The following ARHGAP31 variants were observed in gnomAD, a reference collection of about 807,000 sequenced individuals.
The protein encoded by ARHGAP31 is Rho GTPase activating protein 31, also known as rho GTPase-activating protein 31.
ARHGAP31 carries 34 observed loss-of-function variants against 113.9 expected under a neutral mutation model. The observed-to-expected ratio is 0.30, with a 90% CI of 0.23 to 0.40. The LOEUF is 0.40. Ranked by LOEUF, ARHGAP31 falls within the 10% of genes least tolerant of loss-of-function variation. The pLI is 1.00. For missense variants in ARHGAP31, 1,548 were observed against 1,767.1 expected (o/e 0.88, Z 2.22); for synonymous variants, 650 against 684.8 (o/e 0.95, Z 0.79).
At chr3:119,336,922 G>C (rs183188286) in intron 1 of ARHGAP31, among the ~76,000 whole-genome samples, 3 of 152,108 alleles carry the variant, frequency 2.0e-5, no homozygotes, top group Non-Finnish European at 4.4e-5. Context: ...CTGGCTTTTT[G>C]TTTCTGGCTT....
At chr3:119,349,771 A>G (rs2107616110) in intron 1 of ARHGAP31, among the ~76,000 whole-genome samples, 1 of 152,286 alleles carries the variant, frequency 6.6e-6, no homozygotes, top group African/African-American at 2.4e-5. Context: ...TGTAGTCCTG[A>G]GAATTTGCAG....
At chr3:119,334,724 G>A (rs2107608940) in intron 1 of ARHGAP31, among the ~76,000 whole-genome samples, 1 of 152,344 alleles carries the variant, frequency 6.6e-6, no homozygotes, top group South Asian at 2.1e-4. Context: ...ATTGGAGGCT[G>A]ACTCTGCACC....
intron 6 of ARHGAP31, among the ~76,000 whole-genome samples, chr3:119,390,266 A>G (rs1240640276): frequency 2.0e-5 from 3 of 152,258 alleles, no homozygotes; most frequent in Non-Finnish European, 4.4e-5. Context: ...TTCCTGTGGC[A>G]GGGATATAAG....
chr3:119,335,942 G>A (rs1048537473), intron 1 of ARHGAP31, among the ~76,000 whole-genome samples: 2 of 152,184 alleles, frequency 1.3e-5, no homozygotes, highest in Non-Finnish European at 2.9e-5. Flanking sequence ...GGAGGCCAAG[G>A]TGTGCGGATC....
chr3:119,308,120 G>A (rs917167607), intron 1 of ARHGAP31, among the ~76,000 whole-genome samples: 1 of 152,076 alleles, frequency 6.6e-6, no homozygotes, highest in African/African-American at 2.4e-5. Flanking sequence ...AAGGTGATCA[G>A]AAGAGTGAAG....
chr3:119,415,359 T>G lies in ARHGAP31; in HGVS notation c.3430T>G (p.Trp1144Gly), dbSNP rs550753172. ...TGAGCCAGGAGACCCAAAGGTCACA[T>G]GGATGACCTCATCTTACTGTAAAGC... ...VSEPGDPKVT[W>G]MTSSYCKADP... is the part of the protein sequence containing the mutation. The change falls in exon 12 of 12, where the codon TGG (tryptophan) becomes GGG (glycine). Residue 1144 changes from tryptophan (W) to glycine (G), a missense_variant. Trp to Gly is a radical substitution (Grantham distance 184). Transcript: ENST00000264245. 1.9e-5 allele frequency: 31 copies of G among 1,614,086 alleles called. No individual in the cohort carries two copies. In the South Asian group the frequency reaches 3.2e-4, roughly 17 times the overall value.
intron 1 of ARHGAP31, among the ~76,000 whole-genome samples, chr3:119,363,277 A>G (rs1163582736): frequency 6.6e-6 from 1 of 152,166 alleles, no homozygotes; most frequent in Non-Finnish European, 1.5e-5. Flanking sequence ...ATCTATTTGC[A>G]TGAGCATGGG....
intron 1 of ARHGAP31, among the ~76,000 whole-genome samples, chr3:119,299,933 C>T (rs1345028858): frequency 6.6e-6 from 1 of 152,244 alleles, no homozygotes; most frequent in African/African-American, 2.4e-5. Context: ...TAGCTGCTTC[C>T]TTTCCAGCAG....
chr3:119,367,801 G>A (rs988448037), intron 2 of ARHGAP31, among the ~76,000 whole-genome samples: 5 of 150,332 alleles, frequency 3.3e-5, no homozygotes, highest in African/African-American at 1.2e-4. Context: ...AGGTTGCAGT[G>A]AGCCAAGATT....
intron 1 of ARHGAP31, chr3:119,329,880 C>T (rs2079876233): frequency 1.0e-6 from 1 of 985,464 alleles, no homozygotes; most frequent in Non-Finnish European, 1.2e-6. Context: ...TGTGTGAGTC[C>T]TCACTGGTGC....
intron 1 of ARHGAP31, among the ~76,000 whole-genome samples, chr3:119,358,316 CTACT>C: frequency 6.6e-6 from 1 of 152,160 alleles, no homozygotes; most frequent in African/African-American, 2.4e-5. Context: ...CACTTCACAA[CTACT>C]AGGATGACAA....
chr3:119,382,452 C>T, intron 5 of ARHGAP31, 53 bp downstream of exon 5: 1 of 1,522,036 alleles, frequency 6.6e-7, no homozygotes, highest in Non-Finnish European at 9.1e-7. Flanking sequence ...AGAGCAGCCC[C>T]CGATTGAAAT....
At chr3:119,392,956 T>C (rs1249332334) in intron 7 of ARHGAP31, among the ~76,000 whole-genome samples, 1 of 152,116 alleles carries the variant, frequency 6.6e-6, no homozygotes, top group Non-Finnish European at 1.5e-5. Flanking sequence ...GTATAAAAAC[T>C]GGCCATGTGT....
intron 10 of ARHGAP31, among the ~76,000 whole-genome samples, chr3:119,404,149 G>A (rs1211010819): frequency 1.3e-5 from 2 of 152,162 alleles, no homozygotes; most frequent in Non-Finnish European, 2.9e-5. Context: ...GAGGGATAGG[G>A]GAGGGAGTGA....
At chr3:119,310,345 A>C (rs1369054510) in intron 1 of ARHGAP31, among the ~76,000 whole-genome samples, 4 of 152,152 alleles carry the variant, frequency 2.6e-5, no homozygotes, top group Admixed American at 6.5e-5. Flanking sequence ...GGAGATCCAG[A>C]CTCCAGAACA....
At chr3:119,349,938 G>T (rs1164509056) in intron 1 of ARHGAP31, among the ~76,000 whole-genome samples, 2 of 152,166 alleles carry the variant, frequency 1.3e-5, no homozygotes, top group South Asian at 2.1e-4. Flanking sequence ...GAGTCTTGTG[G>T]TAAATTTTCT....
At chr3:119,366,528 T>C (rs2080253477) in intron 2 of ARHGAP31, among the ~76,000 whole-genome samples, 1 of 152,198 alleles carries the variant, frequency 6.6e-6, no homozygotes, top group South Asian at 2.1e-4. Flanking sequence ...TTCACTAATT[T>C]ACTAGTACTC....
chr3:119,384,615 C>T (rs534671535), intron 6 of ARHGAP31, among the ~76,000 whole-genome samples: 2 of 152,230 alleles, frequency 1.3e-5, no homozygotes, highest in East Asian at 1.9e-4. Flanking sequence ...TTATAACAAA[C>T]CCACTCCTAC....
rs553555330 is a variant in ARHGAP31 at position 119,374,715 on chromosome 3, C to A, written c.349-6189C>A. On this transcript the variant is annotated intron_variant, in intron 3 of 11. Transcript: ENST00000264245. ...CGCTGTGGTAAGGCAAGCTTGCTTC[C>A]CCTTCACCTTCTGCCATGATTATGT... 5.3e-4 allele frequency among the ~76,000 whole-genome samples: 80 copies of A among 152,298 alleles called. 2 individuals are homozygous for A. Among genetic ancestry groups the A allele is most frequent in the African/African-American group, 1.9e-3 (79 of 41,552 alleles).
Sources: allele counts gnomAD v4.1 joint callset (sites outside exome capture counted in the v4.1 genomes callset), GRCh38; gene constraint gnomAD v4.1.1; transcripts MANE v1.5; gene names NCBI Gene and HGNC (gene_info 2026-07-23, HGNC 2026-07-21).